Variants in SSBP3 observed in about 807,000 individuals in gnomAD.
SSBP3 encodes single stranded DNA binding protein 3.
SSBP3 carries 5 observed loss-of-function variants against 69.6 expected under a neutral mutation model. The observed-to-expected ratio is 0.07, with a 90% confidence interval of 0.04 to 0.15. SSBP3 has a LOEUF of 0.15. Ranked by LOEUF, SSBP3 falls within the 10% of genes least tolerant of loss-of-function variation. The probability of loss-of-function intolerance (pLI) is 1.00; values close to 1 mark genes in which losing one functional copy is unlikely to be tolerated. For missense variants in SSBP3, 312 were observed against 534.0 expected, an observed-to-expected ratio of 0.58 and a Z score of 4.10; for synonymous variants, 196 against 193.4, an observed-to-expected ratio of 1.01 and a Z score of -0.11.
intron 5 of SSBP3, among the ~76,000 whole-genome samples, chr1:54,260,321 TC>T (rs1210054552): frequency 2.0e-5 from 3 of 152,330 alleles, no homozygotes; most frequent in Admixed American, 2.0e-4. Flanking sequence ...CTCGCGTCCT[TC>T]CCTTCCTGGT....
chr1:54,356,932 T>A (rs1646877742), intron 4 of SSBP3: 1 of 152,212 alleles, frequency 6.6e-6, no homozygotes, highest in African/African-American at 2.4e-5. Context: ...ACAGACTTCA[T>A]AAAATCACAC....
At chr1:54,306,512 C>T (rs977896688) in intron 4 of SSBP3, among the ~76,000 whole-genome samples, 1 of 152,200 alleles carries the variant, frequency 6.6e-6, no homozygotes, top group Admixed American at 6.5e-5. Flanking sequence ...CCTCGGTCAT[C>T]CCTTGGCTGA....
chr1:54,407,582 TC>T (rs1050674270), upstream of SSBP3, among the ~76,000 whole-genome samples: 2 of 151,730 alleles, frequency 1.3e-5, no homozygotes, highest in Non-Finnish European at 2.9e-5. Flanking sequence ...AGGGGAAGGC[TC>T]CCCCATTTTC....
chr1:54,252,603 G>A (rs1258616455), intron 7 of SSBP3, among the ~76,000 whole-genome samples: 1 of 152,220 alleles, frequency 6.6e-6, no homozygotes, highest in Non-Finnish European at 1.5e-5. Context: ...CCAGAGCTGG[G>A]GCCATCGGCG....
chr1:54,268,607 C>T (rs527695727), intron 5 of SSBP3, among the ~76,000 whole-genome samples: 16 of 152,370 alleles, frequency 1.1e-4, no homozygotes, highest in East Asian at 7.7e-4. Context: ...GGGCTAAGAA[C>T]GGAACAGCAA....
intron 4 of SSBP3, among the ~76,000 whole-genome samples, chr1:54,327,863 C>T (rs2100427009): frequency 6.6e-6 from 1 of 152,310 alleles, no homozygotes; most frequent in Non-Finnish European, 1.5e-5. Flanking sequence ...CCCAGGCACG[C>T]TCTAGCTGGG....
chr1:54,291,959 G>A (rs182120054), intron 4 of SSBP3, among the ~76,000 whole-genome samples: 39 of 152,270 alleles, frequency 2.6e-4, no homozygotes, highest in African/African-American at 8.7e-4. Context: ...GGCTGCTCTC[G>A]GGCACCTGCT....
At chr1:54,338,347 T>C (rs1646546979) in intron 4 of SSBP3, among the ~76,000 whole-genome samples, 1 of 152,254 alleles carries the variant, frequency 6.6e-6, no homozygotes, top group Non-Finnish European at 1.5e-5. Context: ...CAATACCTTA[T>C]TCTACTTTAC....
intron 4 of SSBP3, among the ~76,000 whole-genome samples, chr1:54,337,091 G>T (rs1646520265): frequency 6.6e-6 from 1 of 152,244 alleles, no homozygotes; most frequent in South Asian, 2.1e-4. Context: ...GAGACACACT[G>T]CTTCTCTGGG....
In SSBP3 at chr1:54,258,044, G is replaced by A. The variant is rs1644953798; in HGVS notation, c.447+25C>T. 1 of 1,566,296 alleles carries A rather than the reference G, an allele frequency of 6.4e-7. No individual in the cohort carries two copies. On this transcript the variant is annotated intron_variant, in intron 6 of 17. Coordinates refer to ENST00000610401, the Ensembl canonical transcript of SSBP3. The surrounding 1 kb of genome is among the most constrained non-coding windows in gnomAD (Gnocchi z 4.5). ...TCCTCCGCGCCCCGCGTCCCCGGCG[G>A]GCGGGAGCGCCACGGTGCGTTTACC...
At chr1:54,241,877 A>G (rs1644645093) in intron 11 of SSBP3, among the ~76,000 whole-genome samples, 2 of 152,132 alleles carry the variant, frequency 1.3e-5, no homozygotes, top group Admixed American at 6.5e-5. Flanking sequence ...GCTGGGGAGG[A>G]GATGGGTAGA....
intron 4 of SSBP3, among the ~76,000 whole-genome samples, chr1:54,323,943 G>A (rs886341905): frequency 6.6e-6 from 1 of 152,216 alleles, no homozygotes; most frequent in Non-Finnish European, 1.5e-5. Flanking sequence ...GATTAACTGA[G>A]TATCATTTAT....
At chr1:54,404,690 G>A (rs2100829464) in intron 2 of SSBP3, 53 bp from the exon 3 acceptor site, 2 of 1,606,080 alleles carry the variant, frequency 1.2e-6, no homozygotes, top group Admixed American at 1.7e-5. Context: ...GGGTGGGCTG[G>A]GGGCTTCCCA....
intron 4 of SSBP3, among the ~76,000 whole-genome samples, chr1:54,294,443 T>A (rs2100967897): frequency 6.6e-6 from 1 of 152,056 alleles, no homozygotes; most frequent in South Asian, 2.1e-4. Context: ...AAAATGGAAA[T>A]CACCCTTGTA....
intron 7 of SSBP3, chr1:54,255,477 A>C (rs1236703140): frequency 2.0e-5 from 3 of 152,196 alleles, no homozygotes; most frequent in African/African-American, 7.2e-5. Context: ...AGATGGGGGC[A>C]GGAATCTTAC....
intron 4 of SSBP3, among the ~76,000 whole-genome samples, chr1:54,384,213 G>C (rs1359116088): frequency 1.3e-5 from 2 of 152,002 alleles, no homozygotes; most frequent in African/African-American, 2.4e-5. Flanking sequence ...TGAACAGAGA[G>C]CATTTTCCCA....
chr1:54,405,930 G>A (rs1313945085), intron 1 of SSBP3, 23 bp downstream of exon 1: 2 of 1,209,186 alleles, frequency 1.7e-6, no homozygotes, highest in African/African-American at 1.7e-5. Context: ...CGGCGCGGCC[G>A]CCACTTGCAA....
At chr1:54,370,879 C>T (rs1647121289) in intron 4 of SSBP3, among the ~76,000 whole-genome samples, 1 of 151,810 alleles carries the variant, frequency 6.6e-6, no homozygotes, top group Non-Finnish European at 1.5e-5. Flanking sequence ...GGGAACGGTT[C>T]CCCCGTCATA....
chr1:54,314,380 C>G (rs951086600), intron 4 of SSBP3, among the ~76,000 whole-genome samples: 1 of 152,232 alleles, frequency 6.6e-6, no homozygotes, highest in Non-Finnish European at 1.5e-5. Flanking sequence ...CTCCACTTCA[C>G]AGAGCTGTGA....
Sources: allele counts gnomAD v4.1 joint callset (sites outside exome capture counted in the v4.1 genomes callset), GRCh38; gene constraint gnomAD v4.1.1; non-coding constraint Gnocchi (gnomAD v3.1); transcripts MANE v1.5; gene names NCBI Gene and HGNC (gene_info 2026-07-23, HGNC 2026-07-21).